Variants in OR2C1 observed in about 807,000 individuals in gnomAD.
OR2C1 encodes the protein olfactory receptor 2C1.
For synonymous variants in OR2C1, 209 were observed against 167.3 expected (o/e 1.25, Z -1.92); for missense variants, 468 against 388.3 (o/e 1.21, Z -1.73).
At chr16:3,352,573 C>T (rs2030588953), upstream of OR2C1, among the ~76,000 whole-genome samples, 1 of 151,562 alleles carries the variant, frequency 6.6e-6, no homozygotes, top group Non-Finnish European at 1.5e-5. Context: ...TTCATTCATC[C>T]TTAATTGACT....
At chr16:3,337,732 T>C in the OR2C1 span, among the ~76,000 whole-genome samples, 2 of 152,170 alleles carry the variant, frequency 1.3e-5, no homozygotes, top group Non-Finnish European at 2.9e-5. Flanking sequence ...TATTGCTATC[T>C]TGTTAGGGAC....
rs760694377 is a variant in OR2C1, at chr16:3,356,696, T to C, written c.756T>C (p.Tyr252=). ...LSHLLVVFLF[Y]GSASYGYLLP... ...ATCTGCTGGTGGTGTTCCTCTTCTA[T>C]GGCTCAGCCAGCTATGGGTATCTGC... The change falls in exon 1 of 1, where the codon TAT becomes TAC. Residue 252 remains tyrosine, a synonymous_variant. Coordinates refer to ENST00000304936, the MANE Select transcript of OR2C1 (RefSeq NM_012368.3). 2.5e-6 allele frequency: 4 copies of C among 1,614,216 alleles called. No individual in the cohort carries two copies. Among genetic ancestry groups the C allele is most frequent in the East Asian group, 2.2e-5 (1 of 44,890 alleles).
At chr16:3,353,038 C>T (rs976067416), upstream of OR2C1, among the ~76,000 whole-genome samples, 22 of 151,918 alleles carry the variant, frequency 1.4e-4, 1 homozygote, top group South Asian at 3.1e-3. Context: ...CCACTGCGCC[C>T]GGCCCTGTCT....
At chr16:3,357,495 G>A (rs921895023), downstream of OR2C1, among the ~76,000 whole-genome samples, 1 of 152,142 alleles carries the variant, frequency 6.6e-6, no homozygotes, top group Non-Finnish European at 1.5e-5. Context: ...AGTCTTCTGA[G>A]TAGCTGGGAC....
At chr16:3,347,674 C>G in the OR2C1 span, among the ~76,000 whole-genome samples, 24 of 152,204 alleles carry the variant, frequency 1.6e-4, no homozygotes, top group African/African-American at 5.8e-4. Context: ...CTGCAACTGG[C>G]TTTTATCACT....
the OR2C1 span, among the ~76,000 whole-genome samples, chr16:3,350,582 T>G: frequency 6.6e-6 from 1 of 151,196 alleles, no homozygotes; most frequent in African/African-American, 2.4e-5. Context: ...CGGCTAATTT[T>G]TTGTATTTTT....
chr16:3,336,900 G>GTTTC, the OR2C1 span, among the ~76,000 whole-genome samples: 1 of 151,374 alleles, frequency 6.6e-6, no homozygotes, highest in Non-Finnish European at 1.5e-5. Flanking sequence ...TAGAGACAGG[G>GTTTC]TTTCTATATG....
the OR2C1 span, among the ~76,000 whole-genome samples, chr16:3,338,493 G>A: frequency 2.0e-5 from 3 of 148,132 alleles, no homozygotes; most frequent in African/African-American, 7.6e-5. Flanking sequence ...TGATTCTCTT[G>A]GTTTTGGTTT....
chr16:3,351,667 C>T (rs1277718603), upstream of OR2C1, among the ~76,000 whole-genome samples: 3 of 152,078 alleles, frequency 2.0e-5, no homozygotes, highest in Admixed American at 2.0e-4. Context: ...TAAGGAATTG[C>T]TAATACAGTA....
upstream of OR2C1, among the ~76,000 whole-genome samples, chr16:3,355,196 C>T (rs1012520452): frequency 2.0e-5 from 3 of 151,898 alleles, no homozygotes; most frequent in African/African-American, 7.3e-5. Flanking sequence ...CGCACGGTGG[C>T]TCACACCTGT....
At chr16:3,327,215 C>T in the OR2C1 span, among the ~76,000 whole-genome samples, 1 of 152,100 alleles carries the variant, frequency 6.6e-6, no homozygotes, top group Non-Finnish European at 1.5e-5. Flanking sequence ...TTTTGCCAAT[C>T]TTGTTTCATT....
chr16:3,344,315 C>A, the OR2C1 span, among the ~76,000 whole-genome samples: 1 of 152,006 alleles, frequency 6.6e-6, no homozygotes, highest in African/African-American at 2.4e-5. Context: ...GGGCAATTTA[C>A]AGAAGGAGAA....
rs771207519 is a variant in OR2C1 at position 3,356,915 on chromosome 16, T to C, written c.*36T>C. ...CTTCGTTATTTATTGCGTCTTCATC[T>C]CTACATGCGTTTCTCATTAACTCTC... On this transcript the variant is annotated 3_prime_UTR_variant, in exon 1 of 1. Coordinates refer to ENST00000304936, the MANE Select transcript of OR2C1 (RefSeq NM_012368.3). 11 of 1,450,900 alleles carry C rather than the reference T, an allele frequency of 7.6e-6. No individual in the cohort carries two copies. In the African/African-American group the frequency reaches 1.6e-4, roughly 21 times the overall value. The allele number at this position is 1,450,900 out of a possible 1,614,324, so 89.9% of individuals were successfully genotyped here. A position where few individuals can be genotyped will look rare whatever the true frequency, so the allele number is the denominator to read the frequency against.
chr16:3,357,364 C>G (rs1217007070), downstream of OR2C1: 1 of 157,842 alleles, frequency 6.3e-6, no homozygotes, highest in Non-Finnish European at 1.4e-5. Context: ...TTGCCTACCT[C>G]TTTTTGTCTC....
upstream of OR2C1, among the ~76,000 whole-genome samples, chr16:3,355,080 A>T (rs2030638916): frequency 6.6e-6 from 1 of 151,898 alleles, no homozygotes; most frequent in Non-Finnish European, 1.5e-5. Context: ...CACTTCCTTC[A>T]TTTCCGTGTT....
the OR2C1 span, among the ~76,000 whole-genome samples, chr16:3,341,445 C>G: frequency 6.6e-6 from 1 of 152,080 alleles, no homozygotes; most frequent in African/African-American, 2.4e-5. Context: ...CTTTTTCTTG[C>G]CTAATTACCC....
chr16:3,333,210 CATTTTTTT>C, the OR2C1 span, among the ~76,000 whole-genome samples: 1,500 of 32,876 alleles, frequency 0.046, 173 homozygotes, highest in South Asian at 0.082. Context: ...ATCTTTTGCC[CATTTTTTT>C]TTTTTTTTTT....
chr16:3,342,342 A>C, the OR2C1 span, among the ~76,000 whole-genome samples: 1 of 152,240 alleles, frequency 6.6e-6, no homozygotes, highest in Non-Finnish European at 1.5e-5. Flanking sequence ...TTTCTGTTCA[A>C]AAAAGGTCAA....
At chr16:3,323,728 C>G in the OR2C1 span, 1 of 685,650 alleles carries the variant, frequency 1.5e-6, no homozygotes. Flanking sequence ...TGAGACACAC[C>G]TTGTCACATT....
Sources: allele counts gnomAD v4.1 joint callset (sites outside exome capture counted in the v4.1 genomes callset), GRCh38; gene constraint gnomAD v4.1.1; transcripts MANE v1.5; gene names NCBI Gene and HGNC (gene_info 2026-07-23, HGNC 2026-07-21).